Variants in EYA4 observed in about 807,000 individuals in gnomAD.
EYA4 encodes the protein protein phosphatase EYA4.
A neutral mutation model predicts 87.9 loss-of-function variants in EYA4; 31 were observed. The observed-to-expected ratio is 0.35, with a 90% CI of 0.27 to 0.48. The LOEUF is 0.48. EYA4 is among the 20% of genes least tolerant of loss of function. EYA4 has a pLI of 0.99. For synonymous variants in EYA4, 263 were observed against 270.6 expected (o/e 0.97, Z 0.28); for missense variants, 678 against 761.4 (o/e 0.89, Z 1.29).
chr6:133,408,159 C>T (rs1056668823), intron 3 of EYA4, among the ~76,000 whole-genome samples: 4 of 152,172 alleles, frequency 2.6e-5, no homozygotes, highest in Admixed American at 6.5e-5. Flanking sequence ...ACACATCAAT[C>T]ATTTTACATT....
chr6:133,289,505 A>G (rs1460961774), intron 2 of EYA4, among the ~76,000 whole-genome samples: 1 of 152,222 alleles, frequency 6.6e-6, no homozygotes, highest in Non-Finnish European at 1.5e-5. Flanking sequence ...TACTGCTAGC[A>G]TTGAAAATTT....
intron 11 of EYA4, among the ~76,000 whole-genome samples, chr6:133,478,747 A>T (rs1353941819): frequency 6.6e-6 from 1 of 152,184 alleles, no homozygotes; most frequent in Non-Finnish European, 1.5e-5. Flanking sequence ...CAATGGGAAT[A>T]AAGTCTTAGG....
At chr6:133,455,550 T>C (rs892588372) in intron 5 of EYA4, among the ~76,000 whole-genome samples, 7 of 152,182 alleles carry the variant, frequency 4.6e-5, no homozygotes, top group African/African-American at 1.4e-4. Context: ...ATAACATTAC[T>C]GACTTGTGTG....
intron 13 of EYA4, among the ~76,000 whole-genome samples, chr6:133,483,925 T>C (rs1393208828): frequency 6.6e-6 from 1 of 152,144 alleles, no homozygotes; most frequent in East Asian, 1.9e-4. Context: ...GGTTTCACCA[T>C]GTTGGCCAGG....
rs79460205 is a variant in EYA4, at chr6:133,302,414, G to A, written c.33+27601G>A. Among the ~76,000 whole-genome samples, 1,194 of 152,192 alleles carry A rather than the reference G, an allele frequency of 7.8e-3. 12 individuals are homozygous for A. The highest frequency in any genetic ancestry group is 0.026 in the African/African-American group (1,068 of 41,520). ...CCTGGGATTTCAATCTAATACTAAA[G>A]TTGTACAAAAATTCATAACACTTTT... On this transcript the variant is annotated intron_variant, in intron 2 of 19. Transcript: ENST00000355286.
chr6:133,252,746 A>C (rs976969082), intron 1 of EYA4, among the ~76,000 whole-genome samples: 5 of 152,200 alleles, frequency 3.3e-5, no homozygotes, highest in Non-Finnish European at 7.3e-5. Flanking sequence ...TTTTCTTAAG[A>C]GTTCTAAACA....
At position 133,311,685 on chromosome 6, in the gene EYA4, C is replaced by A. The variant is rs77726595; in HGVS notation, c.33+36872C>A. 4.3e-3 allele frequency among the ~76,000 whole-genome samples: 652 copies of A among 152,268 alleles called. 25 individuals are homozygous for A. The East Asian group carries it at 0.068, about 16-fold the overall frequency. ...CTTCAGTAGCTAGCTCCCTGTTGGA[C>A]TCTAAAAATCCCAACTCCTTAGTGT... On this transcript the variant is annotated intron_variant, in intron 2 of 19. Coordinates refer to ENST00000355286, the MANE Select transcript of EYA4 (RefSeq NM_004100.5).
intron 18 of EYA4, among the ~76,000 whole-genome samples, chr6:133,524,388 C>G (rs981919723): frequency 6.6e-6 from 1 of 152,138 alleles, no homozygotes; most frequent in African/African-American, 2.4e-5. Flanking sequence ...GTAGCCATGG[C>G]TGCATGAACA....
chr6:133,310,417 C>T (rs1469682494), intron 2 of EYA4, among the ~76,000 whole-genome samples: 1 of 152,160 alleles, frequency 6.6e-6, no homozygotes, highest in Non-Finnish European at 1.5e-5. Flanking sequence ...ATCAGCTAAT[C>T]ATTTGACATA....
chr6:133,492,758 AG>A (rs1797298189), intron 13 of EYA4, among the ~76,000 whole-genome samples: 1 of 152,250 alleles, frequency 6.6e-6, no homozygotes, highest in African/African-American at 2.4e-5. Flanking sequence ...GTAAAGTTGC[AG>A]GATACAGAAT....
intron 2 of EYA4, among the ~76,000 whole-genome samples, chr6:133,323,079 T>C (rs2128360836): frequency 6.6e-6 from 1 of 151,890 alleles, no homozygotes; most frequent in South Asian, 2.1e-4. Flanking sequence ...AATCCGTGTG[T>C]GTGTGTGTGT....
chr6:133,315,633 G>C lies in EYA4; in HGVS notation c.33+40820G>C, dbSNP rs113713042. Among the ~76,000 whole-genome samples, 87 of 152,274 alleles carry C rather than the reference G, an allele frequency of 5.7e-4. No individual in the cohort carries two copies. In the Middle Eastern group the frequency reaches 0.014, roughly 24 times the overall value. ...CTGAAGCAATGTTGGGAACAGAAAT[G>C]ATCAGGGTGACTGAAGCAGAGTCAT... On this transcript the variant is annotated intron_variant, in intron 2 of 19. Coordinates refer to ENST00000355286, the MANE Select transcript of EYA4 (RefSeq NM_004100.5).
intron 12 of EYA4, 71 bp from the exon 13 acceptor site, chr6:133,482,961 T>A (rs1365227084): frequency 1.7e-6 from 2 of 1,206,192 alleles, no homozygotes; most frequent in Non-Finnish European, 2.5e-6. Context: ...AAGGGAGACA[T>A]TTTCTGCTTG....
At chr6:133,286,214 G>A (rs1327061417) in intron 2 of EYA4, among the ~76,000 whole-genome samples, 2 of 152,170 alleles carry the variant, frequency 1.3e-5, no homozygotes, top group African/African-American at 4.8e-5. Flanking sequence ...GATTGCTAGT[G>A]CACTGCATGG....
intron 13 of EYA4, among the ~76,000 whole-genome samples, chr6:133,497,704 C>G (rs940135404): frequency 6.6e-6 from 1 of 152,068 alleles, no homozygotes; most frequent in Non-Finnish European, 1.5e-5. Context: ...TGCAGTGATT[C>G]CTTTTGTTTT....
chr6:133,241,007 T>C (rs923940725), upstream of EYA4, among the ~76,000 whole-genome samples: 2 of 128,364 alleles, frequency 1.6e-5, no homozygotes, highest in South Asian at 2.9e-4. Flanking sequence ...CCCCTCAGCC[T>C]GGAGGCTGCA....
At chr6:133,494,007 A>G (rs1315225377) in intron 13 of EYA4, among the ~76,000 whole-genome samples, 1 of 152,234 alleles carries the variant, frequency 6.6e-6, no homozygotes, top group Non-Finnish European at 1.5e-5. Flanking sequence ...ACTATGGAGA[A>G]CAGTTTGGAG....
chr6:133,247,181 A>G (rs1268550011), intron 1 of EYA4: 1 of 152,246 alleles, frequency 6.6e-6, no homozygotes, highest in African/African-American at 2.4e-5. Context: ...GTATTAAGTA[A>G]CAGTGAACAA....
chr6:133,375,123 G>A (rs1785575768), intron 2 of EYA4, among the ~76,000 whole-genome samples: 1 of 151,992 alleles, frequency 6.6e-6, no homozygotes, highest in Admixed American at 6.6e-5. Context: ...GTCGTATTGA[G>A]AAGTGTTGAC....
Sources: allele counts gnomAD v4.1 joint callset (sites outside exome capture counted in the v4.1 genomes callset), GRCh38; gene constraint gnomAD v4.1.1; transcripts MANE v1.5; gene names NCBI Gene and HGNC (gene_info 2026-07-23, HGNC 2026-07-21).